The following SAMMSON variants were observed in gnomAD, a reference collection of about 807,000 sequenced individuals.
SAMMSON encodes the protein survival associated mitochondrial melanoma specific oncogenic non-coding RNA.
chr3:70,091,444 A>T (rs987567738), intron 4 of SAMMSON, among the ~76,000 whole-genome samples: 1 of 152,220 alleles, frequency 6.6e-6, no homozygotes, highest in Non-Finnish European at 1.5e-5. Context: ...ATCTGGGCAC[A>T]TCTGACTGCT....
At chr3:70,404,662 A>G (rs1164662909) in intron 2 of SAMMSON, among the ~76,000 whole-genome samples, 2 of 152,214 alleles carry the variant, frequency 1.3e-5, no homozygotes, top group African/African-American at 4.8e-5. Flanking sequence ...TTTAAAAAAT[A>G]TCATAAGAAA....
chr3:70,064,749 T>C (rs2067203076), intron 3 of SAMMSON, among the ~76,000 whole-genome samples: 1 of 152,080 alleles, frequency 6.6e-6, no homozygotes, highest in South Asian at 2.1e-4. Context: ...GGATGAGTCA[T>C]TTTACTTCTC....
chr3:70,261,501 A>G (rs1701866704), intron 6 of SAMMSON, among the ~76,000 whole-genome samples: 2 of 152,068 alleles, frequency 1.3e-5, no homozygotes, highest in African/African-American at 4.8e-5. Flanking sequence ...CTATATCCTG[A>G]TTAATAATTA....
intron 7 of SAMMSON, among the ~76,000 whole-genome samples, chr3:70,317,538 T>C (rs1225712587): frequency 2.0e-5 from 3 of 151,824 alleles, no homozygotes; most frequent in Non-Finnish European, 4.4e-5. Context: ...TGATATTCAC[T>C]CTGTTGCAGC....
intron 4 of SAMMSON, among the ~76,000 whole-genome samples, chr3:70,100,940 A>G (rs1275472881): frequency 1.3e-5 from 2 of 152,236 alleles, no homozygotes; most frequent in African/African-American, 2.4e-5. Flanking sequence ...AATTCTTATT[A>G]ATCTTGAGAA....
At chr3:70,127,472 G>A (rs895915857) in intron 4 of SAMMSON, among the ~76,000 whole-genome samples, 4 of 152,166 alleles carry the variant, frequency 2.6e-5, no homozygotes, top group Non-Finnish European at 4.4e-5. Context: ...GCAGACCAGG[G>A]AAGTTGATAA....
chr3:70,061,128 C>T (rs1194150533), intron 3 of SAMMSON, among the ~76,000 whole-genome samples: 1 of 152,054 alleles, frequency 6.6e-6, no homozygotes, highest in Non-Finnish European at 1.5e-5. Context: ...AAGGTGGTAG[C>T]TTTGGCAGTG....
At chr3:70,047,968 G>A (rs2067132994) in intron 3 of SAMMSON, among the ~76,000 whole-genome samples, 2 of 151,962 alleles carry the variant, frequency 1.3e-5, no homozygotes, top group Non-Finnish European at 2.9e-5. Context: ...TCCCCACACT[G>A]TTGTATTGGG....
chr3:70,429,142 A>T (rs1033849490), intron 2 of SAMMSON, among the ~76,000 whole-genome samples: 9 of 152,026 alleles, frequency 5.9e-5, no homozygotes, highest in African/African-American at 2.2e-4. Context: ...TAATTTTTGT[A>T]TAAGGTATAA....
chr3:70,062,675 G>A (rs1426792101), intron 3 of SAMMSON, among the ~76,000 whole-genome samples: 3 of 151,976 alleles, frequency 2.0e-5, no homozygotes, highest in Non-Finnish European at 4.4e-5. Context: ...TCTCCTCTCT[G>A]CCCATTCTCT....
At chr3:70,050,936 G>A (rs145123061) in intron 3 of SAMMSON, among the ~76,000 whole-genome samples, 1 of 151,736 alleles carries the variant, frequency 6.6e-6, no homozygotes, top group Non-Finnish European at 1.5e-5. Flanking sequence ...AGGAGTTCAA[G>A]ACCAGCCTGG....
chr3:70,229,394 A>C (rs1200308871), intron 4 of SAMMSON, among the ~76,000 whole-genome samples: 1 of 152,220 alleles, frequency 6.6e-6, no homozygotes, highest in East Asian at 1.9e-4. Flanking sequence ...AGATCATTTT[A>C]ATTACCCTCT....
intron 4 of SAMMSON, among the ~76,000 whole-genome samples, chr3:70,124,637 C>T (rs1041005022): frequency 1.3e-5 from 2 of 151,592 alleles, no homozygotes; most frequent in African/African-American, 4.8e-5. Flanking sequence ...ACAGTGAAAT[C>T]CCGTCTCTAC....
At chr3:70,392,157 T>C (rs1701055276), downstream of SAMMSON, among the ~76,000 whole-genome samples, 1 of 152,182 alleles carries the variant, frequency 6.6e-6, no homozygotes, top group African/African-American at 2.4e-5. Flanking sequence ...GAAAACCATT[T>C]AAGTAACATA....
intron 9 of SAMMSON, among the ~76,000 whole-genome samples, chr3:70,374,581 C>G (rs1035231705): frequency 1.3e-5 from 2 of 152,006 alleles, no homozygotes; most frequent in Admixed American, 6.6e-5. Context: ...ACTGATAATA[C>G]TGCCTTGGTT....
intron 4 of SAMMSON, among the ~76,000 whole-genome samples, chr3:70,077,032 TG>T (rs1051620092): frequency 6.6e-6 from 1 of 152,118 alleles, no homozygotes; most frequent in African/African-American, 2.4e-5. Context: ...CTCTTCTTTG[TG>T]GGGGGAATTT....
intron 3 of SAMMSON, chr3:70,069,543 C>G (rs1240700465): frequency 6.6e-6 from 1 of 152,146 alleles, no homozygotes; most frequent in Non-Finnish European, 1.5e-5. Context: ...GGAACTGAAG[C>G]TTGTAGAGAG....
At chr3:70,427,134 A>T (rs373322760) in intron 2 of SAMMSON, among the ~76,000 whole-genome samples, 1 of 152,230 alleles carries the variant, frequency 6.6e-6, no homozygotes, top group Non-Finnish European at 1.5e-5. Context: ...AAATGTGATC[A>T]GATTTAAGAG....
intron 5 of SAMMSON, among the ~76,000 whole-genome samples, chr3:70,249,360 G>T (rs999983850): frequency 2.0e-5 from 3 of 152,102 alleles, no homozygotes; most frequent in African/African-American, 7.2e-5. Flanking sequence ...CTAAGGGGGG[G>T]ATCTATCATA....
Sources: allele counts gnomAD v4.1 joint callset (sites outside exome capture counted in the v4.1 genomes callset), GRCh38; gene constraint gnomAD v4.1.1; transcripts MANE v1.5; gene names NCBI Gene and HGNC (gene_info 2026-07-23, HGNC 2026-07-21).